The following PALM2AKAP2 variants were observed in gnomAD, a reference collection of about 807,000 sequenced individuals.
PALM2AKAP2 encodes PALM2-AKAP2 fusion protein.
Under a neutral mutation model 71.5 loss-of-function variants are expected in PALM2AKAP2, and 37 were observed. The ratio of observed to expected loss-of-function variants is 0.52; its 90% confidence interval spans 0.40 to 0.68. PALM2AKAP2 has a LOEUF of 0.68. PALM2AKAP2 is among the 30% of genes least tolerant of loss of function. The pLI is 0.00. For synonymous variants in PALM2AKAP2, 468 were observed against 478.8 expected (o/e 0.98, Z 0.29); for missense variants, 1,224 against 1,191.8 (o/e 1.03, Z -0.40).
intron 1 of PALM2AKAP2, among the ~76,000 whole-genome samples, chr9:109,770,388 A>G (rs148566158): frequency 6.6e-6 from 1 of 152,290 alleles, no homozygotes; most frequent in East Asian, 1.9e-4. Context: ...TCTGAGAAGG[A>G]GTCTATAGTT....
At chr9:109,707,338 G>C (rs576511948) in intron 1 of PALM2AKAP2, among the ~76,000 whole-genome samples, 1 of 151,990 alleles carries the variant, frequency 6.6e-6, no homozygotes, top group Admixed American at 6.6e-5. Flanking sequence ...AATGGAAAAC[G>C]CTGGTACCTG....
chr9:110,020,359 T>C (rs1833052342), intron 7 of PALM2AKAP2, among the ~76,000 whole-genome samples: 2 of 152,184 alleles, frequency 1.3e-5, no homozygotes, highest in Non-Finnish European at 2.9e-5. Context: ...TCATGCTTCC[T>C]GTTAAGCTTG....
chr9:109,787,065 A>ACAGAGACG (rs150224946), intron 1 of PALM2AKAP2, among the ~76,000 whole-genome samples: 2,345 of 152,280 alleles, frequency 0.015, 61 homozygotes, highest in African/African-American at 0.054. Flanking sequence ...ACATTGATGC[A>ACAGAGACG]CAGAGACGGT....
At chr9:109,843,140 CAA>C (rs60510582) in intron 1 of PALM2AKAP2, among the ~76,000 whole-genome samples, 5 of 62,846 alleles carry the variant, frequency 8.0e-5, no homozygotes, top group Admixed American at 2.2e-4. Flanking sequence ...AACTCGGTCT[CAA>C]AAAAAAAAAA....
chr9:110,088,703 G>GTTTTTTTTTTTTTTTTTTTTTTTTTTTT, intron 1 of PALM2AKAP2, among the ~76,000 whole-genome samples: 1 of 75,574 alleles, frequency 1.3e-5, no homozygotes, highest in Non-Finnish European at 2.8e-5. Flanking sequence ...GCATTTACGT[G>GTTTTTTTTTTTTTTTTTTTTTTTTTTTT]TTTTTTTTTT....
intron 7 of PALM2AKAP2, among the ~76,000 whole-genome samples, chr9:110,022,211 T>C (rs142944550): frequency 5.3e-4 from 81 of 152,344 alleles, no homozygotes; most frequent in Non-Finnish European, 9.6e-4. Flanking sequence ...GGTCTACTTG[T>C]AGCCTGGATA....
intron 1 of PALM2AKAP2, among the ~76,000 whole-genome samples, chr9:110,088,703 G>GTTTTTTTTTTTTTTTTTTTTTTT (rs71373964): frequency 1.3e-5 from 1 of 75,574 alleles, no homozygotes; most frequent in Non-Finnish European, 2.8e-5. Flanking sequence ...GCATTTACGT[G>GTTTTTTTTTTTTTTTTTTTTTTT]TTTTTTTTTT....
At chr9:109,952,737 A>G (rs1831667658) in intron 6 of PALM2AKAP2, among the ~76,000 whole-genome samples, 1 of 152,194 alleles carries the variant, frequency 6.6e-6, no homozygotes, top group Non-Finnish European at 1.5e-5. Context: ...CTCTTTGTTA[A>G]TTGAAATACT....
At chr9:109,763,269 C>T (rs2118741483) in intron 1 of PALM2AKAP2, among the ~76,000 whole-genome samples, 2 of 152,248 alleles carry the variant, frequency 1.3e-5, no homozygotes, top group South Asian at 4.2e-4. Context: ...CCATCCATTG[C>T]CAGGCCCTAT....
chr9:109,801,129 G>T (rs1336372265), intron 1 of PALM2AKAP2, among the ~76,000 whole-genome samples: 1 of 152,220 alleles, frequency 6.6e-6, no homozygotes, highest in East Asian at 1.9e-4. Context: ...ACCTTCAGTT[G>T]CCGTGAAACA....
intron 6 of PALM2AKAP2, among the ~76,000 whole-genome samples, chr9:109,976,103 C>T (rs938412161): frequency 5.9e-5 from 9 of 152,154 alleles, no homozygotes; most frequent in Admixed American, 3.3e-4. Flanking sequence ...AAATTTTACA[C>T]CCAAGCCAAG....
intron 1 of PALM2AKAP2, among the ~76,000 whole-genome samples, chr9:110,086,438 C>T (rs1834575924): frequency 6.6e-6 from 1 of 152,184 alleles, no homozygotes; most frequent in Non-Finnish European, 1.5e-5. Flanking sequence ...GAATCTAAAG[C>T]ATGCTTGATC....
chr9:109,827,005 G>A (rs1480696098), intron 1 of PALM2AKAP2, among the ~76,000 whole-genome samples: 1 of 152,082 alleles, frequency 6.6e-6, no homozygotes, highest in Non-Finnish European at 1.5e-5. Context: ...AAAATACTAG[G>A]TTTTTACTTT....
At chr9:109,827,329 G>A (rs989202742) in intron 1 of PALM2AKAP2, among the ~76,000 whole-genome samples, 2 of 152,152 alleles carry the variant, frequency 1.3e-5, no homozygotes, top group African/African-American at 2.4e-5. Context: ...AGAATTATGA[G>A]TTATGGCCAG....
chr9:109,718,409 A>G (rs1484930418), intron 1 of PALM2AKAP2, among the ~76,000 whole-genome samples: 1 of 152,136 alleles, frequency 6.6e-6, no homozygotes, highest in Non-Finnish European at 1.5e-5. Flanking sequence ...GTATTACACA[A>G]AAATGTTTGC....
intron 6 of PALM2AKAP2, among the ~76,000 whole-genome samples, chr9:110,010,880 C>A (rs1313504268): frequency 1.4e-5 from 2 of 147,290 alleles, no homozygotes; most frequent in African/African-American, 4.9e-5. Context: ...CCTGTAATCT[C>A]AGCTACTCAG....
intron 1 of PALM2AKAP2, chr9:109,760,469 C>T (rs1250367411): frequency 1.3e-5 from 2 of 152,150 alleles, no homozygotes; most frequent in African/African-American, 4.8e-5. Context: ...TGTTATTATT[C>T]CCATTCTGCA....
rs560065214 is a variant in PALM2AKAP2, at chr9:109,945,947, C to T, written c.496+13919C>T. On this transcript the variant is annotated intron_variant, in intron 6 of 9. Transcript: ENST00000302798. The stretch of plus-strand genomic sequence containing the variant: ...TAATGATTAGCAAATTATATGAATT[C>T]GAGTTCTCTCTATACTTTTATTAGT... The T allele has an allele frequency of 3.4e-4, 52 of 152,288 alleles. 2 individuals carry two copies. In the South Asian group the frequency reaches 0.01, roughly 30 times the overall value. The allele number at this position is 152,288 out of a possible 1,614,324, so 9.4% of individuals were successfully genotyped here.
At chr9:110,046,309 A>G (rs143174158), upstream of PALM2AKAP2, among the ~76,000 whole-genome samples, 5 of 152,304 alleles carry the variant, frequency 3.3e-5, no homozygotes, top group African/African-American at 1.2e-4. Flanking sequence ...AAATGTTCTT[A>G]TAAATTAATA....
Sources: allele counts gnomAD v4.1 joint callset (sites outside exome capture counted in the v4.1 genomes callset), GRCh38; gene constraint gnomAD v4.1.1; transcripts MANE v1.5; gene names NCBI Gene and HGNC (gene_info 2026-07-23, HGNC 2026-07-21).